CDKN2B-AS1: variants seen among roughly 807,000 people sequenced by gnomAD.
CDKN2B-AS1 encodes CDKN2B and CDKN2A antisense cis and trans regulatory RNA 1.
intron 1 of CDKN2B-AS1, among the ~76,000 whole-genome samples, chr9:22,011,730 C>A (rs1821517643): frequency 6.6e-6 from 1 of 152,210 alleles, no homozygotes; most frequent in Non-Finnish European, 1.5e-5. Flanking sequence ...TACAATAGCA[C>A]ATTTGTCTTG....
intron 4 of CDKN2B-AS1, among the ~76,000 whole-genome samples, chr9:22,106,500 C>A (rs72652501): frequency 6.6e-6 from 1 of 152,162 alleles, no homozygotes; most frequent in Non-Finnish European, 1.5e-5. Context: ...TATAGGCATG[C>A]GCTACCGTGC....
intron 4 of CDKN2B-AS1, among the ~76,000 whole-genome samples, chr9:22,059,943 C>A (rs1587473352): frequency 6.6e-6 from 1 of 152,202 alleles, no homozygotes; most frequent in South Asian, 2.1e-4. Context: ...GCAGCTGGGA[C>A]ACAGGGCACT....
At chr9:22,114,680 A>G (rs1344646363) in intron 4 of CDKN2B-AS1, among the ~76,000 whole-genome samples, 6 of 152,226 alleles carry the variant, frequency 3.9e-5, no homozygotes, top group Non-Finnish European at 8.8e-5. Context: ...GAGCAGCCAT[A>G]GAAAGCATGG....
intron 1 of CDKN2B-AS1, among the ~76,000 whole-genome samples, chr9:22,007,001 G>A (rs1423173422): frequency 2.6e-5 from 4 of 152,032 alleles, no homozygotes; most frequent in African/African-American, 7.2e-5. Flanking sequence ...AACTATATTT[G>A]TATACTACAG....
chr9:22,053,523 A>C (rs1823439176), intron 3 of CDKN2B-AS1, among the ~76,000 whole-genome samples: 1 of 152,168 alleles, frequency 6.6e-6, no homozygotes, highest in Non-Finnish European at 1.5e-5. Context: ...TTGGTTTATA[A>C]AGTTTTGGCC....
intron 1 of CDKN2B-AS1, among the ~76,000 whole-genome samples, chr9:22,026,761 A>G (rs568408735): frequency 6.6e-6 from 1 of 152,316 alleles, no homozygotes; most frequent in East Asian, 1.9e-4. Flanking sequence ...AAGCTGGAGT[A>G]GCTAAAGCTC....
chr9:22,076,193 C>G (rs1420821721), intron 4 of CDKN2B-AS1, among the ~76,000 whole-genome samples: 1 of 152,064 alleles, frequency 6.6e-6, no homozygotes, highest in African/African-American at 2.4e-5. Flanking sequence ...AGTTGGATTA[C>G]AGGCACCTGC....
intron 3 of CDKN2B-AS1, among the ~76,000 whole-genome samples, chr9:22,052,367 C>T (rs1354532250): frequency 6.6e-6 from 1 of 152,090 alleles, no homozygotes; most frequent in Admixed American, 6.6e-5. Context: ...TGTATATTTT[C>T]AGAGTAATGT....
At chr9:22,008,668 T>C (rs1418423894) in intron 1 of CDKN2B-AS1, 8 of 1,606,984 alleles carry the variant, frequency 5.0e-6, no homozygotes, top group Admixed American at 3.3e-5. Context: ...ACGCGTGGAA[T>C]GCACACCTCC....
At chr9:22,050,328 AC>A (rs1022022060) in intron 3 of CDKN2B-AS1, among the ~76,000 whole-genome samples, 14 of 152,338 alleles carry the variant, frequency 9.2e-5, no homozygotes, top group African/African-American at 3.4e-4. Flanking sequence ...GCAATTGATT[AC>A]GTATAGAGCC....
At chr9:21,998,594 G>A (rs1042055884) in intron 1 of CDKN2B-AS1, among the ~76,000 whole-genome samples, 6 of 152,168 alleles carry the variant, frequency 3.9e-5, no homozygotes. Context: ...AGTTTTTGGG[G>A]TTCTCTTCCA....
rs1313302774 is a variant in CDKN2B-AS1, at chr9:21,997,922, ATCTT to A, written n.29+2763_29+2766del. On this transcript the variant is annotated intron_variant and non_coding_transcript_variant, in intron 1 of 4. Coordinates refer to ENST00000650946, the Ensembl canonical transcript of CDKN2B-AS1. The surrounding 1 kb of genome is among the most constrained non-coding windows in gnomAD (Gnocchi z 4.8). Reference sequence around the variant, plus strand: ...GGATCAAATTTAAATTGAGGGATCTATCTTTGTTTATTGGAGCCATATAGCTCAA... The same window carrying A: ...GGATCAAATTTAAATTGAGGGATCTATGTTTATTGGAGCCATATAGCTCAA... Among the ~76,000 whole-genome samples, 2 of 152,082 alleles carry A rather than the reference ATCTT, an allele frequency of 1.3e-5. No homozygotes were observed. Among genetic ancestry groups the A allele is most frequent in the African/African-American group, 2.4e-5 (1 of 41,418 alleles).
chr9:22,059,759 A>G (rs1823732930), intron 4 of CDKN2B-AS1, among the ~76,000 whole-genome samples: 1 of 152,230 alleles, frequency 6.6e-6, no homozygotes. Flanking sequence ...TTGCCTGGGC[A>G]TTCAGGCATT....
chr9:22,122,076 C>G (rs1426410305), intron 4 of CDKN2B-AS1, among the ~76,000 whole-genome samples: 2 of 126,224 alleles, frequency 1.6e-5, no homozygotes, highest in Non-Finnish European at 1.7e-5. Context: ...TTTTTTTTGT[C>G]TCTTTGACAA....
At chr9:22,028,522 C>T (rs1038067622) in intron 1 of CDKN2B-AS1, among the ~76,000 whole-genome samples, 3 of 151,946 alleles carry the variant, frequency 2.0e-5, no homozygotes, top group African/African-American at 4.8e-5. Context: ...ATCATGATGG[C>T]AGTTTTAGGA....
Position 22,005,954 on chromosome 9 carries a change from T to A in CDKN2B-AS1, n.29+10793T>A. The A allele has an allele frequency of 1.3e-6, 2 of 1,597,784 alleles. No homozygotes were observed. Among genetic ancestry groups the A allele is most frequent in the Non-Finnish European group, 1.7e-6 (2 of 1,179,416 alleles). ...GGGGGTGGGAAATTGGGTAAGAAAA[T>A]AAAGTCGTTGTGGGCGGCTGGGGAA... On this transcript the variant is annotated intron_variant and non_coding_transcript_variant, in intron 1 of 4. Transcript: ENST00000650946. The surrounding 1 kb of genome is among the most constrained non-coding windows in gnomAD (Gnocchi z 4.9).
rs200857771 is a variant in CDKN2B-AS1, at chr9:22,010,650, G to T, written n.29+15489G>T. On this transcript the variant is annotated intron_variant and non_coding_transcript_variant, in intron 1 of 4. Coordinates refer to ENST00000650946, the Ensembl canonical transcript of CDKN2B-AS1. Reference sequence around the variant, plus strand: ...TTAGGGCTGAAAATCTACTGACAGAGCCTCAACAGAGCTGAAATCCACCTG... The same window carrying T: ...TTAGGGCTGAAAATCTACTGACAGATCCTCAACAGAGCTGAAATCCACCTG... 2.6e-5 allele frequency among the ~76,000 whole-genome samples: 4 copies of T among 152,164 alleles called. No individual in the cohort carries two copies. In the East Asian group the frequency reaches 7.7e-4, roughly 29 times the overall value.
Position 22,102,152 on chromosome 9 carries a change from A to G in CDKN2B-AS1, n.439-24951A>G, listed in dbSNP as rs373482217. Among the ~76,000 whole-genome samples the G allele has an allele frequency of 4.6e-5, 7 of 152,332 alleles. No individual in the cohort carries two copies. In the East Asian group the frequency reaches 9.6e-4, roughly 21 times the overall value. On this transcript the variant is annotated intron_variant and non_coding_transcript_variant, in intron 4 of 4. Transcript: ENST00000650946. Reference sequence around the variant, plus strand: ...CCGTATTGGGCTCATGGTAACTGAGATGCATCTGAATGACAGGCATTCCTT... The same window carrying G: ...CCGTATTGGGCTCATGGTAACTGAGGTGCATCTGAATGACAGGCATTCCTT...
rs959845618 is a variant in CDKN2B-AS1 at position 22,072,420 on chromosome 9, T to C, written n.438+16033T>C. Among the ~76,000 whole-genome samples, 7 of 152,196 alleles carry C rather than the reference T, an allele frequency of 4.6e-5. No homozygotes were observed. The East Asian group carries it at 1.4e-3, about 29-fold the overall frequency. The stretch of plus-strand genomic sequence containing the variant: ...GAGCTTTTCAATCTCATTTGAAGAG[T>C]CCAGGGGACAGACAGAGACACTAGT... On this transcript the variant is annotated intron_variant and non_coding_transcript_variant, in intron 4 of 4. Coordinates refer to ENST00000650946, the Ensembl canonical transcript of CDKN2B-AS1.
Sources: allele counts gnomAD v4.1 joint callset (sites outside exome capture counted in the v4.1 genomes callset), GRCh38; gene constraint gnomAD v4.1.1; non-coding constraint Gnocchi (gnomAD v3.1); transcripts MANE v1.5; gene names NCBI Gene and HGNC (gene_info 2026-07-23, HGNC 2026-07-21).